PALM2AKAP2: variants seen among roughly 807,000 people sequenced by gnomAD.
PALM2AKAP2 encodes PALM2-AKAP2 fusion protein.
In PALM2AKAP2, 37 loss-of-function variants were observed where a neutral mutation model predicts 71.5. That is an observed-to-expected ratio of 0.52 (90% CI 0.40 to 0.68). PALM2AKAP2 has a LOEUF of 0.68. PALM2AKAP2 is among the 30% of genes least tolerant of loss of function. The pLI is 0.00. For synonymous variants in PALM2AKAP2, 468 were observed against 478.8 expected, an observed-to-expected ratio of 0.98 and a Z score of 0.29; for missense variants, 1,224 against 1,191.8, an observed-to-expected ratio of 1.03 and a Z score of -0.40.
chr9:109,893,104 C>T (rs1442463931), intron 3 of PALM2AKAP2, among the ~76,000 whole-genome samples: 1 of 152,062 alleles, frequency 6.6e-6, no homozygotes, highest in East Asian at 1.9e-4. Context: ...CTTTGCAGTC[C>T]AGGGCAGAGG....
chr9:110,111,086 C>CTTTTTTTTTTTTTTTTTTTTTTTTTTT (rs34958946), intron 1 of PALM2AKAP2, among the ~76,000 whole-genome samples: 94 of 84,188 alleles, frequency 1.1e-3, no homozygotes, highest in Admixed American at 1.3e-3. Flanking sequence ...TTTCTTTCTT[C>CTTTTTTTTTTTTTTTTTTTTTTTTTTT]TTTTTTTTTT....
intron 1 of PALM2AKAP2, among the ~76,000 whole-genome samples, chr9:109,824,594 A>G (rs7871879): frequency 0.029 from 4,340 of 152,270 alleles, 82 homozygotes; most frequent in Non-Finnish European, 0.036. Context: ...TGGGGCTGTA[A>G]TATTCCCTAC....
intron 1 of PALM2AKAP2, among the ~76,000 whole-genome samples, chr9:109,851,343 G>T (rs1411749411): frequency 6.6e-6 from 1 of 152,168 alleles, no homozygotes; most frequent in Non-Finnish European, 1.5e-5. Context: ...GTCTTCCAGG[G>T]TTGAGCACTG....
chr9:110,125,892 C>T (rs1218697545), intron 1 of PALM2AKAP2, among the ~76,000 whole-genome samples: 1 of 151,942 alleles, frequency 6.6e-6, no homozygotes, highest in Admixed American at 6.6e-5. Context: ...TGTGGCAGAT[C>T]ACGCTTTGAA....
At position 110,093,906 on chromosome 9, in the gene PALM2AKAP2, A is replaced by T. The variant is rs1253480560; in HGVS notation, c.157-42221A>T. Among the ~76,000 whole-genome samples the T allele has an allele frequency of 3.9e-5, 6 of 152,284 alleles. No individual in the cohort carries two copies. In the East Asian group the frequency reaches 1.2e-3, roughly 29 times the overall value. On this transcript the variant is annotated intron_variant, in intron 1 of 3. Coordinates refer to ENST00000374525, the Ensembl canonical transcript of PALM2AKAP2. ...AGAATTCCTCTTCTATACTCTCGTG[A>T]TACCTTGTGCGTCTTTCCCAGTGGT...
At chr9:109,864,747 A>G (rs1241959832) in intron 1 of PALM2AKAP2, among the ~76,000 whole-genome samples, 1 of 152,206 alleles carries the variant, frequency 6.6e-6, no homozygotes, top group Non-Finnish European at 1.5e-5. Flanking sequence ...TAAAATATTT[A>G]CTTTTGTTTT....
At chr9:109,843,853 A>G (rs911620699) in intron 1 of PALM2AKAP2, among the ~76,000 whole-genome samples, 22 of 152,302 alleles carry the variant, frequency 1.4e-4, no homozygotes, top group Non-Finnish European at 2.8e-4. Context: ...CTGGCTGCCT[A>G]TCAGTGGCCT....
At chr9:109,844,325 A>G (rs2131598898) in intron 1 of PALM2AKAP2, among the ~76,000 whole-genome samples, 1 of 152,334 alleles carries the variant, frequency 6.6e-6, no homozygotes, top group South Asian at 2.1e-4. Context: ...CAGCTATGTA[A>G]GGAACTGAGG....
intron 1 of PALM2AKAP2, among the ~76,000 whole-genome samples, chr9:109,824,055 G>T (rs925750981): frequency 1.3e-5 from 2 of 151,982 alleles, no homozygotes; most frequent in African/African-American, 4.8e-5. Context: ...ATGCCTGGCT[G>T]ATTTTTGTAT....
chr9:109,932,719 C>A (rs1034202401), intron 6 of PALM2AKAP2, among the ~76,000 whole-genome samples: 4 of 152,118 alleles, frequency 2.6e-5, no homozygotes, highest in African/African-American at 9.7e-5. Context: ...TGTACACGAA[C>A]CCTTATGATC....
intron 1 of PALM2AKAP2, among the ~76,000 whole-genome samples, chr9:110,107,351 C>T (rs1438578603): frequency 6.6e-6 from 1 of 151,796 alleles, no homozygotes. Context: ...CTATGTACCC[C>T]ATAAATATGT....
At chr9:109,854,216 G>C (rs1046498916) in intron 1 of PALM2AKAP2, among the ~76,000 whole-genome samples, 1 of 152,210 alleles carries the variant, frequency 6.6e-6, no homozygotes, top group African/African-American at 2.4e-5. Flanking sequence ...CATCGTCTTA[G>C]ACTTTGGTCA....
At chr9:110,155,248 T>A (rs995807504) in intron 2 of PALM2AKAP2, among the ~76,000 whole-genome samples, 5 of 152,218 alleles carry the variant, frequency 3.3e-5, no homozygotes, top group Non-Finnish European at 7.3e-5. Context: ...CAAATGGCCC[T>A]TTCCCCTCCC....
chr9:109,673,638 T>A (rs1006172921), intron 1 of PALM2AKAP2, among the ~76,000 whole-genome samples: 1 of 152,162 alleles, frequency 6.6e-6, no homozygotes. Flanking sequence ...TGAGTTTGGA[T>A]CCTGAGTATT....
chr9:109,750,290 G>T (rs1475615712), intron 1 of PALM2AKAP2, among the ~76,000 whole-genome samples: 1 of 152,172 alleles, frequency 6.6e-6, no homozygotes, highest in Non-Finnish European at 1.5e-5. Context: ...GGGGGCACAT[G>T]GCCAATTTCA....
intron 1 of PALM2AKAP2, among the ~76,000 whole-genome samples, chr9:109,835,126 A>C (rs75513146): frequency 0.11 from 16,349 of 151,492 alleles, 1,319 homozygotes; most frequent in East Asian, 0.39. Flanking sequence ...AGTGGTTGAG[A>C]AGCAGAGGGG....
chr9:110,089,052 T>A (rs1474851402), intron 1 of PALM2AKAP2, among the ~76,000 whole-genome samples: 4 of 152,042 alleles, frequency 2.6e-5, no homozygotes, highest in Non-Finnish European at 5.9e-5. Flanking sequence ...AAATACAATT[T>A]AAAAAATCAG....
At chr9:109,838,223 T>C (rs1173209876) in intron 1 of PALM2AKAP2, among the ~76,000 whole-genome samples, 1 of 152,120 alleles carries the variant, frequency 6.6e-6, no homozygotes, top group Non-Finnish European at 1.5e-5. Flanking sequence ...ATTAAGAAAC[T>C]CACTCAAAAC....
At chr9:109,685,014 A>T (rs1168601946) in intron 1 of PALM2AKAP2, among the ~76,000 whole-genome samples, 2 of 152,224 alleles carry the variant, frequency 1.3e-5, no homozygotes, top group African/African-American at 4.8e-5. Flanking sequence ...AATGAATCTT[A>T]AAGGATTATA....
Sources: gnomAD v4.1 joint callset for allele counts (sites outside exome capture counted in the v4.1 genomes callset) on GRCh38, gnomAD v4.1.1 for gene constraint, MANE v1.5 for transcripts, NCBI Gene and HGNC (gene_info 2026-07-23, HGNC 2026-07-21) for gene names.